The following SPG11 variants were observed in gnomAD, a reference collection of about 807,000 sequenced individuals.
The protein encoded by SPG11 is spatacsin.
A neutral mutation model predicts 274.0 loss-of-function variants in SPG11; 222 were observed. That is an observed-to-expected ratio of 0.81 (90% CI 0.73 to 0.91). SPG11 has a LOEUF of 0.91. SPG11 is among the 40% of genes least tolerant of loss of function. The pLI is 0.00. For missense variants in SPG11, 3,114 were observed against 2,872.7 expected, an observed-to-expected ratio of 1.08 and a Z score of -1.92; for synonymous variants, 1,144 against 1,039.7, an observed-to-expected ratio of 1.10 and a Z score of -1.93.
At chr15:44,662,285 G>T (rs191979469) in intron 1 of SPG11, among the ~76,000 whole-genome samples, 7,145 of 152,224 alleles carry the variant, frequency 0.047, 428 homozygotes, top group African/African-American at 0.13. Context: ...GTCAGGAGCT[G>T]TTAGAGGAGC....
At chr15:44,594,735 C>CT (rs2082991671) in intron 26 of SPG11, among the ~76,000 whole-genome samples, 1 of 152,114 alleles carries the variant, frequency 6.6e-6, no homozygotes, top group South Asian at 2.1e-4. Flanking sequence ...GAACTACAAC[C>CT]TTACAACCTG....
intron 36 of SPG11, chr15:44,567,222 G>C: frequency 1.9e-6 from 1 of 520,754 alleles, no homozygotes; most frequent in Non-Finnish European, 3.4e-6. Context: ...GTGGTGGCAG[G>C]TGCTTGTAAT....
At chr15:44,612,350 T>C (rs1434870692) in intron 17 of SPG11, among the ~76,000 whole-genome samples, 1 of 152,182 alleles carries the variant, frequency 6.6e-6, no homozygotes, top group Non-Finnish European at 1.5e-5. Context: ...AGTGGTTACC[T>C]ATGGGTGGTT....
At chr15:44,617,526 G>T (rs2083619958) in intron 15 of SPG11, among the ~76,000 whole-genome samples, 1 of 152,164 alleles carries the variant, frequency 6.6e-6, no homozygotes, top group Non-Finnish European at 1.5e-5. Context: ...TATGTAAAAT[G>T]ATCATACAGG....
At chr15:44,641,892 T>C (rs1377063814) in intron 7 of SPG11, among the ~76,000 whole-genome samples, 1 of 110,490 alleles carries the variant, frequency 9.1e-6, no homozygotes, top group Admixed American at 1.3e-4. Context: ...AGCAGATACA[T>C]GAGAAACTTT....
At chr15:44,637,464 C>T (rs1342174213) in intron 7 of SPG11, among the ~76,000 whole-genome samples, 1 of 152,094 alleles carries the variant, frequency 6.6e-6, no homozygotes, top group Non-Finnish European at 1.5e-5. Context: ...AGGTGTGAGC[C>T]ACCATACCCG....
chr15:44,586,460 G>A (rs1266699264), intron 28 of SPG11, among the ~76,000 whole-genome samples: 1 of 151,818 alleles, frequency 6.6e-6, no homozygotes, highest in Non-Finnish European at 1.5e-5. Context: ...TGGCCAATAT[G>A]GTGAAACCCC....
Position 44,651,716 on chromosome 15 carries a change from T to C in SPG11, c.1231A>G (p.Arg411Gly), listed in dbSNP as rs774702540. ...CTGATGTGCATTATTTTCCATGATC[T>C]TCCTGGATCACTGGTCTTGGCATGA... is the stretch of plus-strand genomic sequence containing the variant. The part of the protein sequence containing the change: ...KDHAKTSDPG[R>G]SWKIMHISEQ... The change falls in exon 6 of 40, where the codon AGA (arginine) becomes GGA (glycine). Residue 411 changes from arginine (R) to glycine (G), a missense_variant. Physicochemically the swap from Arg to Gly is moderately radical, Grantham distance 125. Transcript: ENST00000261866. The C allele has an allele frequency of 4.3e-6, 7 of 1,614,218 alleles. No homozygotes were observed. The East Asian group carries it at 1.3e-4, about 31-fold the overall frequency.
At chr15:44,618,577 G>C (rs529375778) in intron 15 of SPG11, among the ~76,000 whole-genome samples, 85 of 151,148 alleles carry the variant, frequency 5.6e-4, no homozygotes, top group Non-Finnish European at 9.0e-4. Context: ...CAGCACTTTG[G>C]GAGGCCGAGG....
At chr15:44,591,459 C>T (rs2082897500) in intron 27 of SPG11, among the ~76,000 whole-genome samples, 1 of 152,150 alleles carries the variant, frequency 6.6e-6, no homozygotes, top group South Asian at 2.1e-4. Context: ...ATACCTAACT[C>T]TGTTGCTCTA....
intron 30 of SPG11, among the ~76,000 whole-genome samples, chr15:44,579,505 CGATA>C (rs1567135745): frequency 8.4e-6 from 1 of 118,982 alleles, no homozygotes; most frequent in Admixed American, 1.2e-4. Context: ...CTAGCATGGG[CGATA>C]GAGTGAGACT....
At chr15:44,573,360 T>C in intron 32 of SPG11, 187 bp downstream of exon 32, 1 of 670,980 alleles carries the variant, frequency 1.5e-6, no homozygotes, top group Non-Finnish European at 2.6e-6. Context: ...ACAGCATGTA[T>C]TTTGTACATG....
chr15:44,581,850 T>A (rs775875671), intron 30 of SPG11, among the ~76,000 whole-genome samples: 1 of 152,116 alleles, frequency 6.6e-6, no homozygotes, highest in Non-Finnish European at 1.5e-5. Flanking sequence ...CTAAGTATAC[T>A]GTGGAAAGTT....
In SPG11 at chr15:44,610,967, T is replaced by C. The variant is rs746043849; in HGVS notation, c.3164A>G (p.Gln1055Arg). 9 of 1,613,802 alleles carry C rather than the reference T, an allele frequency of 5.6e-6. No homozygotes were observed. The East Asian group carries it at 1.6e-4, about 28-fold the overall frequency. ...AATCTGAGCATTTGCAAGGCTAGCC[T>C]GGAAGATCAGTTTGGGATCTGGAAA... is the stretch of plus-strand genomic sequence containing the variant. Reference protein sequence around the residue: ...SNLTDPKLIFQASLANAQILI... With the variant: ...SNLTDPKLIFRASLANAQILI... Residue 1055 changes from glutamine (Q) to arginine (R), a missense_variant, in exon 18 of 40, where the codon CAG becomes CGG. Physicochemically the swap from Gln to Arg is conservative, Grantham distance 43 (BLOSUM62 1). Transcript: ENST00000261866.
intron 3 of SPG11, among the ~76,000 whole-genome samples, chr15:44,658,650 G>A (rs1480901582): frequency 4.6e-5 from 7 of 152,062 alleles, no homozygotes; most frequent in South Asian, 2.1e-4. Flanking sequence ...TAGCAGAGAC[G>A]GGGTTTCACC....
chr15:44,589,111 C>G lies in SPG11; in HGVS notation c.4906+141G>C, dbSNP rs554981999. 7.7e-5 allele frequency: 60 copies of G among 774,706 alleles called. 1 individual carries two copies. In the East Asian group the frequency reaches 1.6e-3, roughly 20 times the overall value. The allele number at this position is 774,706 out of a possible 1,614,324, so 48.0% of individuals were successfully genotyped here. A position where few individuals can be genotyped will look rare whatever the true frequency, so the allele number is the denominator to read the frequency against. ...AATATTTTAACCACAATTTAAAGTT[C>G]TCTGTAACTTGTTTACTCCCAGTTG... On this transcript the variant is annotated intron_variant, in intron 28 of 39. Transcript: ENST00000261866.
chr15:44,631,153 T>C (rs2084049812), intron 8 of SPG11, among the ~76,000 whole-genome samples: 1 of 152,138 alleles, frequency 6.6e-6, no homozygotes, highest in Non-Finnish European at 1.5e-5. Context: ...TATAAGTAAA[T>C]GATTATATAT....
At chr15:44,628,311 A>G (rs894806682) in intron 10 of SPG11, among the ~76,000 whole-genome samples, 1 of 152,254 alleles carries the variant, frequency 6.6e-6, no homozygotes, top group Non-Finnish European at 1.5e-5. Context: ...ATCAGCAGCA[A>G]TTCAATTTAT....
At chr15:44,660,761 A>G in intron 1 of SPG11, 145 bp from the exon 2 acceptor site, 2 of 779,768 alleles carry the variant, frequency 2.6e-6, no homozygotes, top group Middle Eastern at 3.6e-4. Context: ...GAGAACATAA[A>G]CTGCTCTAGG....
Sources: allele counts gnomAD v4.1 joint callset (sites outside exome capture counted in the v4.1 genomes callset), GRCh38; gene constraint gnomAD v4.1.1; transcripts MANE v1.5; gene names NCBI Gene and HGNC (gene_info 2026-07-23, HGNC 2026-07-21).